Variants in PRKAR1B observed in about 807,000 individuals in gnomAD.
PRKAR1B encodes cAMP-dependent protein kinase type I-beta regulatory subunit.
A neutral mutation model predicts 46.5 loss-of-function variants in PRKAR1B; 22 were observed. The ratio of observed to expected loss-of-function variants is 0.47; its 90% CI spans 0.34 to 0.68. The LOEUF (loss-of-function observed/expected upper bound fraction) is 0.68, where lower values mean the gene tolerates loss of function less well. PRKAR1B is among the 30% of genes least tolerant of loss of function. The pLI is 0.01. For missense variants in PRKAR1B, 445 were observed against 535.6 expected (o/e 0.83, Z 1.67); for synonymous variants, 259 against 217.7 (o/e 1.19, Z -1.67).
In PRKAR1B at chr7:596,809, C is replaced by T. The variant is rs548768183; in HGVS notation, c.550-505G>A. 2.0e-5 allele frequency among the ~76,000 whole-genome samples: 3 copies of T among 152,392 alleles called. No individual in the cohort carries two copies. The East Asian group carries it at 5.8e-4, about 29-fold the overall frequency. On this transcript the variant is annotated intron_variant, in intron 6 of 10. Transcript: ENST00000537384. ...ATTCCTCTGTCCCCACCTCCACCAG[C>T]ACACACCACTGGGCCCCGAAGGAGC...
chr7:660,289 C>T (rs1157554551), intron 4 of PRKAR1B, among the ~76,000 whole-genome samples: 2 of 151,996 alleles, frequency 1.3e-5, no homozygotes, highest in African/African-American at 4.8e-5. Context: ...CTCAATGGGG[C>T]CCAAGTCTGT....
chr7:643,325 G>A lies in PRKAR1B; in HGVS notation c.440+33904C>T, dbSNP rs1041033603. ...CTTTAAAACCATGAGCTTAGGCAGC[G>A]CGAGGCACGGGGAATCCCTAAAGGA... On this transcript the variant is annotated intron_variant, in intron 4 of 10. Coordinates refer to ENST00000537384, the MANE Select transcript of PRKAR1B (RefSeq NM_001164760.2). 1.6e-4 allele frequency among the ~76,000 whole-genome samples: 24 copies of A among 151,422 alleles called. 1 individual carries two copies. Among genetic ancestry groups the A allele is most frequent in the African/African-American group, 4.7e-4 (19 of 40,792 alleles).
rs566884671 is a variant in PRKAR1B, at chr7:602,207, G to T, written c.549+3986C>A. Among the ~76,000 whole-genome samples, 1 of 152,124 alleles carries T rather than the reference G, an allele frequency of 6.6e-6. No individual in the cohort carries two copies. Among genetic ancestry groups the T allele is most frequent in the Non-Finnish European group, 1.5e-5 (1 of 68,010 alleles). ...CAGTGAGCTCAGGGCTGGAGGAAAC[G>T]GTCCCTGCTTTGAAGTGGCTCCGGC... On this transcript the variant is annotated intron_variant, in intron 6 of 10. Transcript: ENST00000537384. The surrounding 1 kb of genome is among the most constrained non-coding windows in gnomAD (Gnocchi z 6.4).
At chr7:683,813 C>T (rs1009750867) in intron 2 of PRKAR1B, among the ~76,000 whole-genome samples, 3 of 152,230 alleles carry the variant, frequency 2.0e-5, no homozygotes, top group African/African-American at 7.2e-5. Context: ...TTGTTGCTCC[C>T]TCAGAAACAA....
intron 4 of PRKAR1B, among the ~76,000 whole-genome samples, chr7:673,688 ACTC>A (rs1324615058): frequency 6.6e-6 from 1 of 151,012 alleles, no homozygotes; most frequent in African/African-American, 2.4e-5. Context: ...TCAGTATCTG[ACTC>A]CTCCTGGTGA....
intron 1 of PRKAR1B, among the ~76,000 whole-genome samples, chr7:718,285 C>T (rs867080008): frequency 2.1e-5 from 3 of 141,064 alleles, no homozygotes; most frequent in African/African-American, 5.4e-5. Flanking sequence ...CACACACACA[C>T]ACACACACAC....
In PRKAR1B at chr7:636,341, C is replaced by T. The variant is rs1431417216; in HGVS notation, c.441-28889G>A. The stretch of plus-strand genomic sequence containing the variant: ...CCGCGCCCACACGTCCTCCACCGGC[C>T]GCGCCCACACGTCCTCCACCGGCCG... On this transcript the variant is annotated intron_variant, in intron 4 of 10. Coordinates refer to ENST00000537384, the MANE Select transcript of PRKAR1B (RefSeq NM_001164760.2). Among the ~76,000 whole-genome samples, 8 of 14,602 alleles carry T rather than the reference C, an allele frequency of 5.5e-4. 2 individuals are homozygous for T. Among genetic ancestry groups the T allele is most frequent in the African/African-American group, 7.4e-4 (2 of 2,716 alleles). The allele number at this position is 14,602 out of a possible 152,430, so 9.6% of individuals were successfully genotyped here. A position where few individuals can be genotyped will look rare whatever the true frequency, so the allele number is the denominator to read the frequency against.
Position 664,475 on chromosome 7 carries a change from G to C in PRKAR1B, c.440+12754C>G, listed in dbSNP as rs1785793069. On this transcript the variant is annotated intron_variant, in intron 4 of 10. Transcript: ENST00000537384. ...TCGGGTCCCCATCCACATACTGGGT[G>C]CTGGAGGCAGAGGCCACGTGCAGCA... 1.3e-5 allele frequency among the ~76,000 whole-genome samples: 2 copies of C among 152,218 alleles called. 1 individual carries two copies. Among genetic ancestry groups the C allele is most frequent in the Admixed American group, 1.3e-4 (2 of 15,280 alleles).
chr7:606,865 GTATC>G (rs995558261), intron 5 of PRKAR1B, among the ~76,000 whole-genome samples: 25 of 150,164 alleles, frequency 1.7e-4, no homozygotes, highest in African/African-American at 3.0e-4. Context: ...ATACATATAT[GTATC>G]TATTTTATAC....
rs140281087 is a variant in PRKAR1B, at chr7:666,057, G to A, written c.440+11172C>T. ...CAGCTCCAGTAATGAGGTCCCCGCCGGAGGCCCAACGCACAACACAAACAC... is the reference window on the plus strand; with the variant it reads ...CAGCTCCAGTAATGAGGTCCCCGCCAGAGGCCCAACGCACAACACAAACAC... On this transcript the variant is annotated intron_variant, in intron 4 of 10. Transcript: ENST00000537384. The surrounding 1 kb of genome is among the most constrained non-coding windows in gnomAD (Gnocchi z 4.9). Among the ~76,000 whole-genome samples, 96 of 152,264 alleles carry A rather than the reference G, an allele frequency of 6.3e-4. 1 individual carries two copies. In the East Asian group the frequency reaches 0.011, roughly 17 times the overall value.
intron 4 of PRKAR1B, among the ~76,000 whole-genome samples, chr7:622,484 T>C (rs189707994): frequency 1.3e-5 from 2 of 152,336 alleles, no homozygotes; most frequent in Admixed American, 6.5e-5. Context: ...TGTGCTAGGA[T>C]CGTATCCAGT....
chr7:631,173 A>T (rs999193092), intron 4 of PRKAR1B, among the ~76,000 whole-genome samples: 1 of 152,090 alleles, frequency 6.6e-6, no homozygotes, highest in Non-Finnish European at 1.5e-5. Context: ...CTGGTCTCAA[A>T]CTCCTGACCT....
chr7:606,858 CAT>C (rs1782098858), intron 5 of PRKAR1B, among the ~76,000 whole-genome samples: 1 of 149,988 alleles, frequency 6.7e-6, no homozygotes. Context: ...TAGTTTTATA[CAT>C]ATATGTATCT....
At chr7:715,747 A>G (rs1320887653) in intron 1 of PRKAR1B, among the ~76,000 whole-genome samples, 14 of 151,604 alleles carry the variant, frequency 9.2e-5, no homozygotes, top group Admixed American at 2.6e-4. Flanking sequence ...ACAGAGTCTC[A>G]TTCTGTCACC....
chr7:606,541 G>C (rs1186606870), intron 5 of PRKAR1B, among the ~76,000 whole-genome samples: 2 of 152,104 alleles, frequency 1.3e-5, no homozygotes, highest in Admixed American at 1.3e-4. Flanking sequence ...CACCTCCCAG[G>C]TTCAAGCGAT....
At chr7:572,352 C>T (rs979398411) in intron 9 of PRKAR1B, among the ~76,000 whole-genome samples, 1 of 152,160 alleles carries the variant, frequency 6.6e-6, no homozygotes, top group Non-Finnish European at 1.5e-5. Flanking sequence ...TCAGAGACAG[C>T]GGGCGTGACC....
intron 6 of PRKAR1B, among the ~76,000 whole-genome samples, chr7:599,300 CTCTT>C (rs1781457886): frequency 1.5e-5 from 2 of 134,494 alleles, no homozygotes; most frequent in South Asian, 3.3e-4. Flanking sequence ...TTTGTTTTCT[CTCTT>C]TTTTTTTTTT....
At chr7:652,810 T>G (rs1784981262) in intron 4 of PRKAR1B, among the ~76,000 whole-genome samples, 1 of 152,226 alleles carries the variant, frequency 6.6e-6, no homozygotes, top group South Asian at 2.1e-4. Context: ...TTTTGGTTAT[T>G]TATTGTTACA....
chr7:707,768 G>C (rs1470835212), intron 2 of PRKAR1B, among the ~76,000 whole-genome samples: 1 of 152,154 alleles, frequency 6.6e-6, no homozygotes, highest in Non-Finnish European at 1.5e-5. Context: ...CTACCAGCCT[G>C]GACCACCCAC....
Sources: gnomAD v4.1 joint callset for allele counts (sites outside exome capture counted in the v4.1 genomes callset) on GRCh38, gnomAD v4.1.1 for gene constraint, Gnocchi (gnomAD v3.1) non-coding constraint, MANE v1.5 for transcripts, NCBI Gene and HGNC (gene_info 2026-07-23, HGNC 2026-07-21) for gene names.